Variants in CCT8 observed in about 807,000 individuals in gnomAD.
CCT8 encodes the protein T-complex protein 1 subunit theta.
A neutral mutation model predicts 65.7 loss-of-function variants in CCT8; 10 were observed. That is an observed-to-expected ratio of 0.15 (90% CI 0.09 to 0.26). The LOEUF is 0.26. CCT8 is among the 10% of genes least tolerant of loss of function. CCT8 has a pLI of 1.00. For synonymous variants in CCT8, 199 were observed against 221.8 expected (o/e 0.90, Z 0.92); for missense variants, 568 against 669.1 (o/e 0.85, Z 1.67).
intron 14 of CCT8, among the ~76,000 whole-genome samples, chr21:29,059,240 C>T (rs749429339): frequency 3.9e-5 from 6 of 152,184 alleles, no homozygotes; most frequent in South Asian, 2.1e-4. Context: ...AGAATATATA[C>T]TATACAAATT....
intron 3 of CCT8, among the ~76,000 whole-genome samples, 175 bp from the exon 4 acceptor site, chr21:29,067,880 C>T (rs1465990383): frequency 6.6e-6 from 1 of 152,134 alleles, no homozygotes; most frequent in Non-Finnish European, 1.5e-5. Flanking sequence ...AATCCAAGTC[C>T]CTTTATGCCG....
At chr21:29,072,168 C>G (rs1426221193) in intron 1 of CCT8, 5 of 571,422 alleles carry the variant, frequency 8.8e-6, no homozygotes, top group Non-Finnish European at 1.6e-5. Context: ...CCCTAAACGT[C>G]TAAGTGTTCT....
chr21:29,071,355 T>C (rs1036463662), intron 1 of CCT8, among the ~76,000 whole-genome samples: 7 of 152,076 alleles, frequency 4.6e-5, no homozygotes, highest in Non-Finnish European at 8.8e-5. Context: ...CAAGCCATGA[T>C]TTTGTGATCC....
intron 1 of CCT8, among the ~76,000 whole-genome samples, chr21:29,071,782 C>T (rs920612260): frequency 2.0e-5 from 3 of 152,070 alleles, no homozygotes; most frequent in Admixed American, 6.5e-5. Flanking sequence ...TTGCTTCTTC[C>T]CCTCACTCCC....
At chr21:29,061,627 G>C (rs1274989590) in intron 11 of CCT8, 60 bp from the exon 12 acceptor site, 2 of 1,531,000 alleles carry the variant, frequency 1.3e-6, no homozygotes, top group African/African-American at 1.4e-5. Context: ...CTAAAAATCA[G>C]TTTGCAGTTT....
At chr21:29,067,408 G>C (rs918381208) in intron 4 of CCT8, 148 bp downstream of exon 4, 1 of 526,838 alleles carries the variant, frequency 1.9e-6, no homozygotes, top group African/African-American at 2.0e-5. Context: ...GATACAGCAT[G>C]TGAAGCATAT....
In CCT8 at chr21:29,073,582, A is replaced by C; in HGVS notation, c.9T>G (p.Leu3=). The C allele has an allele frequency of 1.9e-6, 3 of 1,614,110 alleles. No homozygotes were observed. Among genetic ancestry groups the C allele is most frequent in the Non-Finnish European group, 2.5e-6 (3 of 1,180,008 alleles). Residue 3 remains leucine (L), a synonymous_variant, in exon 1 of 15, where the codon CTT becomes CTG. Transcript: ENST00000286788. MA[L]HVPKAPGFAQ... is the part of the protein sequence containing the mutation. ...CAAAGCCCGGAGCCTTGGGAACGTG[A>C]AGCGCCATGGCCAGCCTGCAGGAAG...
intron 7 of CCT8, 94 bp downstream of exon 7, chr21:29,064,874 G>GT (rs2085604291): frequency 1.8e-6 from 2 of 1,089,234 alleles, no homozygotes; most frequent in Non-Finnish European, 2.7e-6. Flanking sequence ...GCAATGTTCA[G>GT]TTTTTTAAGA....
chr21:29,062,386 G>C lies in CCT8; in HGVS notation c.1038C>G (p.His346Gln). 1 of 1,613,890 alleles carries C rather than the reference G, an allele frequency of 6.2e-7. No homozygotes were observed. Among genetic ancestry groups the C allele is most frequent in the Non-Finnish European group, 8.5e-7 (1 of 1,179,792 alleles). The part of the protein sequence containing the change: ...LTPPVLEEMG[H>Q]CDSVYLSEVG... ...CTTCTGAGAGGTAAACACTGTCACAGTGTCCCATTTCTTCAAGGACAGGAG... is the reference window on the plus strand; with the variant it reads ...CTTCTGAGAGGTAAACACTGTCACACTGTCCCATTTCTTCAAGGACAGGAG... Residue 346 changes from histidine to glutamine, a missense_variant, in exon 10 of 15, where the codon CAC (histidine) becomes CAG (glutamine). Physicochemically the swap from His to Gln is conservative, Grantham distance 24. Transcript: ENST00000286788.
chr21:29,056,960 A>G (rs1052219358), intron 14 of CCT8, among the ~76,000 whole-genome samples: 1 of 152,104 alleles, frequency 6.6e-6, no homozygotes, highest in African/African-American at 2.4e-5. Flanking sequence ...TAGGAGCTTT[A>G]GGCCCACCTG....
Sources: gnomAD v4.1 joint callset for allele counts (sites outside exome capture counted in the v4.1 genomes callset) on GRCh38, gnomAD v4.1.1 for gene constraint, MANE v1.5 for transcripts, NCBI Gene and HGNC (gene_info 2026-07-23, HGNC 2026-07-21) for gene names.